MORC1: variants seen among roughly 807,000 people sequenced by gnomAD.
The protein encoded by MORC1 is MORC family CW-type zinc finger 1, also known as MORC family CW-type zinc finger protein 1.
In MORC1, 59 loss-of-function variants were observed where a neutral mutation model predicts 134.9. The ratio of observed to expected loss-of-function variants is 0.44; its 90% confidence interval spans 0.35 to 0.54. The LOEUF (loss-of-function observed/expected upper bound fraction) is 0.54. MORC1 is among the 20% of genes least tolerant of loss of function. MORC1 has a pLI of 0.00. For missense variants in MORC1, 947 were observed against 1,134.5 expected (o/e 0.83, Z 2.37); for synonymous variants, 395 against 391.7 (o/e 1.01, Z -0.10).
intron 17 of MORC1, among the ~76,000 whole-genome samples, chr3:109,024,023 T>C (rs1208749955): frequency 3.3e-5 from 5 of 152,236 alleles, no homozygotes; most frequent in African/African-American, 1.2e-4. Flanking sequence ...CTTGTTGACA[T>C]AGCTTATCAA....
Position 109,011,990 on chromosome 3 carries a change from T to C in MORC1, c.1705-4899A>G, listed in dbSNP as rs563635819. Among the ~76,000 whole-genome samples, 5 of 152,378 alleles carry C rather than the reference T, an allele frequency of 3.3e-5. No homozygotes were observed. The South Asian group carries it at 8.3e-4, about 25-fold the overall frequency. On this transcript the variant is annotated intron_variant, in intron 17 of 27. Transcript: ENST00000232603. ...TACAATTTAAAAAATTTTCTTTTTATAGATCATGCATTATGTGTCATTTTT... is the reference window on the plus strand; with the variant it reads ...TACAATTTAAAAAATTTTCTTTTTACAGATCATGCATTATGTGTCATTTTT...
chr3:108,996,921 A>T (rs1948247615), intron 21 of MORC1, among the ~76,000 whole-genome samples: 1 of 147,652 alleles, frequency 6.8e-6, no homozygotes, highest in Non-Finnish European at 1.5e-5. Context: ...GAGGCAGGAG[A>T]ATGGCGTGAA....
intron 17 of MORC1, among the ~76,000 whole-genome samples, chr3:109,011,153 T>A: frequency 6.6e-6 from 1 of 152,218 alleles, no homozygotes; most frequent in Non-Finnish European, 1.5e-5. Flanking sequence ...AGTTTGAGAC[T>A]GCTGTGAGCT....
chr3:109,042,007 T>C (rs1174792057), intron 14 of MORC1, among the ~76,000 whole-genome samples: 2 of 151,702 alleles, frequency 1.3e-5, no homozygotes, highest in African/African-American at 4.8e-5. Flanking sequence ...AAGTAAGCCA[T>C]TATACACCTT....
At position 109,095,025 on chromosome 3, in the gene MORC1, G is replaced by C; in HGVS notation, c.467C>G (p.Ser156Cys). ...AAATTTCTGGGGATCATCTGTGACA[G>C]ATTCTCTGGTTCTTATTAACCATGA... is the stretch of plus-strand genomic sequence containing the variant. Reference protein sequence around the residue: ...MPSWLIRTRESVTDDPQKFAM... With the variant: ...MPSWLIRTRECVTDDPQKFAM... The change falls in exon 7 of 28, where the codon TCT becomes TGT. Residue 156 changes from serine (S) to cysteine (C), a missense_variant. This residue lies in a region of MORC1 where 214 missense variants were observed against 281.3 expected (regional missense o/e 0.76). Transcript: ENST00000232603. 1.3e-6 allele frequency: 2 copies of C among 1,591,110 alleles called. No homozygotes were observed. Among genetic ancestry groups the C allele is most frequent in the South Asian group, 2.4e-5 (2 of 83,840 alleles).
rs1947135862 is a variant in MORC1, at chr3:108,963,459, C to G, written c.2754G>C (p.Lys918Asn). The change falls in exon 27 of 28, where the codon AAG becomes AAC. Residue 918 changes from lysine to asparagine, a missense_variant. By Grantham distance (94) the Lys-to-Asn change is moderately conservative. Around this residue, in one of 3 missense-constraint regions of MORC1, gnomAD observed 722 missense variants for 817.0 expected, o/e 0.88. Coordinates refer to ENST00000232603, the MANE Select transcript of MORC1 (RefSeq NM_014429.4). ...NKRKISEDKL[K>N]NLRIKLALLL... ...ATAGTGCCAGTTTTATACGAAGATT[C>G]TTCAGCTTATCCTCAGAGATTTTTC... is the stretch of plus-strand genomic sequence containing the variant. 1.2e-6 allele frequency: 2 copies of G among 1,611,082 alleles called. No individual in the cohort carries two copies. Among genetic ancestry groups the G allele is most frequent in the Middle Eastern group, 1.6e-4 (1 of 6,076 alleles).
At chr3:109,094,633 T>C (rs1031317771) in intron 7 of MORC1, among the ~76,000 whole-genome samples, 2 of 152,182 alleles carry the variant, frequency 1.3e-5, no homozygotes, top group East Asian at 1.9e-4. Context: ...GCAGCGACTG[T>C]GGAGTCCCTG....
At chr3:108,967,661 A>G (rs1947259982) in intron 26 of MORC1, among the ~76,000 whole-genome samples, 1 of 152,226 alleles carries the variant, frequency 6.6e-6, no homozygotes, top group Non-Finnish European at 1.5e-5. Flanking sequence ...TGTGACCTCT[A>G]TCACAAAGAT....
rs371248603 is a variant in MORC1, at chr3:109,000,655, C to T, written c.2089G>A (p.Ala697Thr). The change falls in exon 21 of 28, where the codon GCT becomes ACT. Residue 697 changes from alanine (A) to threonine (T), a missense_variant. This residue lies in a region of MORC1 where 722 missense variants were observed against 817.0 expected (regional missense o/e 0.88). Coordinates refer to ENST00000232603, the MANE Select transcript of MORC1 (RefSeq NM_014429.4). ...TGCTTCCTTTTCATTTCCCAAGAAGCGGCCTATAACAAGGAATTAACAAAA... is the reference window on the plus strand; with the variant it reads ...TGCTTCCTTTTCATTTCCCAAGAAGTGGCCTATAACAAGGAATTAACAAAA... ...TEGCLKNAQA[A>T]SWEMKRKQSL... 9.3e-6 allele frequency: 15 copies of T among 1,606,270 alleles called. No homozygotes were observed. The highest frequency in any genetic ancestry group is 7.8e-5 in the South Asian group (7 of 89,874).
intron 14 of MORC1, among the ~76,000 whole-genome samples, chr3:109,040,485 A>ACAGAAAGG (rs1949509304): frequency 8.7e-6 from 1 of 114,528 alleles, no homozygotes; most frequent in Non-Finnish European, 1.8e-5. Flanking sequence ...AGAAAGAAAG[A>ACAGAAAGG]AAGGAAAGAA....
At position 108,983,823 on chromosome 3, in the gene MORC1, T is replaced by C. The variant is rs933070816; in HGVS notation, c.2324+893A>G. ...TAACTGACACTGGCATATGAGTTGC[T>C]GAGGGCATTCAAGTAAAGGAAGTGG... is the stretch of plus-strand genomic sequence containing the variant. On this transcript the variant is annotated intron_variant, in intron 23 of 27. Transcript: ENST00000232603. 3.3e-5 allele frequency among the ~76,000 whole-genome samples: 5 copies of C among 152,170 alleles called. No individual in the cohort carries two copies. In the East Asian group the frequency reaches 9.6e-4, roughly 29 times the overall value.
At chr3:109,113,835 C>A (rs548915801) in intron 2 of MORC1, among the ~76,000 whole-genome samples, 1 of 152,288 alleles carries the variant, frequency 6.6e-6, no homozygotes, top group South Asian at 2.1e-4. Flanking sequence ...GCCAGCTCTG[C>A]CAAATATGAA....
chr3:109,032,851 G>A (rs1368166612), intron 15 of MORC1, 26 bp from the exon 16 acceptor site: 1 of 1,378,906 alleles, frequency 7.3e-7, no homozygotes, highest in Non-Finnish European at 1.0e-6. Flanking sequence ...AAATGACACA[G>A]AAAAGAGATC....
At chr3:109,096,100 G>A (rs1436183146) in intron 6 of MORC1, among the ~76,000 whole-genome samples, 3 of 152,116 alleles carry the variant, frequency 2.0e-5, no homozygotes, top group African/African-American at 7.2e-5. Flanking sequence ...AGAGTTATAA[G>A]AGAAAATACT....
At chr3:109,080,565 A>G (rs1235482364) in intron 8 of MORC1, among the ~76,000 whole-genome samples, 1 of 152,066 alleles carries the variant, frequency 6.6e-6, no homozygotes, top group Admixed American at 6.6e-5. Context: ...ATGTTATAAA[A>G]CTCCATTCAA....
chr3:109,012,148 T>C (rs1228910222), intron 17 of MORC1, among the ~76,000 whole-genome samples: 3 of 151,056 alleles, frequency 2.0e-5, no homozygotes, highest in Non-Finnish European at 4.4e-5. Flanking sequence ...TCAATGTTTG[T>C]TATTTTGGGG....
chr3:109,025,379 C>CTTTTTTTTTTTTTTTTTTTTTTT (rs63701060), intron 17 of MORC1, among the ~76,000 whole-genome samples: 2 of 105,100 alleles, frequency 1.9e-5, no homozygotes, highest in Non-Finnish European at 3.7e-5. Flanking sequence ...TTTCTTTTTT[C>CTTTTTTTTTTTTTTTTTTTTTTT]TTTTTTTTTT....
chr3:109,114,183 A>G (rs1369645140), intron 2 of MORC1, among the ~76,000 whole-genome samples: 8 of 152,256 alleles, frequency 5.3e-5, no homozygotes, highest in Admixed American at 2.6e-4. Flanking sequence ...AAGTTTGATC[A>G]TAAATTAAAA....
chr3:109,049,548 A>G (rs992562395), intron 14 of MORC1, among the ~76,000 whole-genome samples: 2 of 152,230 alleles, frequency 1.3e-5, no homozygotes, highest in African/African-American at 4.8e-5. Flanking sequence ...GATTCCAAAA[A>G]AAAGGTCATT....
Sources: allele counts gnomAD v4.1 joint callset (sites outside exome capture counted in the v4.1 genomes callset), GRCh38; gene constraint gnomAD v4.1.1; regional missense constraint gnomAD v4.1.1; transcripts MANE v1.5; gene names NCBI Gene and HGNC (gene_info 2026-07-23, HGNC 2026-07-21).